The following FBXO21 variants were observed in gnomAD, a reference collection of about 807,000 sequenced individuals.
The protein encoded by FBXO21 is F-box protein 21.
FBXO21 carries 32 observed loss-of-function variants against 76.6 expected under a neutral mutation model. That is an observed-to-expected ratio of 0.42 (90% CI 0.32 to 0.56). FBXO21 has a LOEUF of 0.56. Ranked by LOEUF, FBXO21 falls within the 20% of genes least tolerant of loss-of-function variation. The pLI, the probability that FBXO21 is intolerant of heterozygous loss-of-function variation, is 0.16. For synonymous variants in FBXO21, 328 were observed against 311.5 expected, an observed-to-expected ratio of 1.05 and a Z score of -0.56; for missense variants, 586 against 797.3, an observed-to-expected ratio of 0.73 and a Z score of 3.19.
At chr12:117,189,472 G>A in intron 1 of FBXO21, 110 bp from the exon 2 acceptor site, 1 of 1,166,010 alleles carries the variant, frequency 8.6e-7, no homozygotes, top group Non-Finnish European at 1.2e-6. Context: ...GTGGTAAGAG[G>A]GACCCCGGCG....
At chr12:117,178,665 C>G (rs1413717775) in intron 3 of FBXO21, among the ~76,000 whole-genome samples, 1 of 124,276 alleles carries the variant, frequency 8.0e-6, no homozygotes, top group Non-Finnish European at 1.8e-5. Context: ...CACCTTAGTG[C>G]CCTGTTCTTC....
chr12:117,174,904 C>T, intron 4 of FBXO21, 107 bp from the exon 5 acceptor site: 1 of 1,124,070 alleles, frequency 8.9e-7, no homozygotes, highest in Non-Finnish European at 1.3e-6. Flanking sequence ...CACCATCCCA[C>T]TGGACAAGCT....
intron 4 of FBXO21, among the ~76,000 whole-genome samples, chr12:117,176,246 T>C (rs1458807749): frequency 6.6e-6 from 1 of 152,058 alleles, no homozygotes; most frequent in African/African-American, 2.4e-5. Flanking sequence ...AGCTCTGAGG[T>C]GAGTAAAATC....
chr12:117,174,850 T>C (rs1276866532), intron 4 of FBXO21, 53 bp from the exon 5 acceptor site: 2 of 1,581,750 alleles, frequency 1.3e-6, no homozygotes, highest in Admixed American at 1.7e-5. Context: ...CTTTTCTTAT[T>C]AGTTTGCAAT....
At chr12:117,153,039 T>C (rs965514536) in intron 11 of FBXO21, among the ~76,000 whole-genome samples, 14 of 152,038 alleles carry the variant, frequency 9.2e-5, no homozygotes, top group Admixed American at 2.0e-4. Context: ...TGGTAAAGCA[T>C]TCTGCACTGC....
intron 11 of FBXO21, among the ~76,000 whole-genome samples, chr12:117,147,630 G>A (rs993222212): frequency 2.0e-5 from 3 of 149,632 alleles, no homozygotes; most frequent in Admixed American, 1.3e-4. Context: ...AGATAATACA[G>A]GCAAGGTATT....
chr12:117,176,760 G>A lies in FBXO21; in HGVS notation c.592+760C>T, dbSNP rs530955968. On this transcript the variant is annotated intron_variant, in intron 4 of 11. Coordinates refer to ENST00000622495, the MANE Select transcript of FBXO21 (RefSeq NM_015002.3). ...AGCATAGGTGACATAGCAAGACCCC[G>A]TCTCTAAAAATAAATACATTTTTTT... Among the ~76,000 whole-genome samples the A allele has an allele frequency of 2.1e-4, 32 of 151,936 alleles. No homozygotes were observed. In the South Asian group the frequency reaches 6.4e-3, roughly 31 times the overall value.
At chr12:117,180,185 A>G (rs1235730244) in intron 3 of FBXO21, among the ~76,000 whole-genome samples, 1 of 152,220 alleles carries the variant, frequency 6.6e-6, no homozygotes, top group Non-Finnish European at 1.5e-5. Context: ...TGCATTGGAC[A>G]TACAATCAGT....
At chr12:117,167,138 G>GT in intron 7 of FBXO21, 61 bp from the exon 8 acceptor site, 1 of 1,286,096 alleles carries the variant, frequency 7.8e-7, no homozygotes. Context: ...AGTCTCCACA[G>GT]TAAGTAGCTC....
chr12:117,149,869 C>T (rs537763017), intron 11 of FBXO21, among the ~76,000 whole-genome samples: 1 of 152,270 alleles, frequency 6.6e-6, no homozygotes, highest in South Asian at 2.1e-4. Flanking sequence ...GCAACAGGAC[C>T]CAACAGCTAC....
intron 9 of FBXO21, among the ~76,000 whole-genome samples, chr12:117,161,750 G>A (rs1171509496): frequency 6.6e-6 from 1 of 152,144 alleles, no homozygotes; most frequent in Non-Finnish European, 1.5e-5. Context: ...GACACAAGAA[G>A]AGGGGAACTG....
At chr12:117,147,280 T>G (rs1593054324) in intron 11 of FBXO21, among the ~76,000 whole-genome samples, 1 of 75,954 alleles carries the variant, frequency 1.3e-5, no homozygotes, top group Non-Finnish European at 2.4e-5. Flanking sequence ...AAAATAAGAC[T>G]GAAAAAATGG....
chr12:117,163,842 G>C (rs1457749075), intron 9 of FBXO21, among the ~76,000 whole-genome samples: 2 of 152,070 alleles, frequency 1.3e-5, no homozygotes, highest in Non-Finnish European at 2.9e-5. Flanking sequence ...TACTCGGTAG[G>C]CTAAGGCAGG....
At chr12:117,146,747 T>C (rs987423231) in intron 11 of FBXO21, among the ~76,000 whole-genome samples, 5 of 152,130 alleles carry the variant, frequency 3.3e-5, no homozygotes, top group Non-Finnish European at 5.9e-5. Flanking sequence ...AGACCACACT[T>C]TCCACCCGAG....
intron 11 of FBXO21, among the ~76,000 whole-genome samples, chr12:117,150,871 C>CTGCGTGTGTGTGTGTGTG (rs1955829976): frequency 7.8e-6 from 1 of 127,630 alleles, no homozygotes; most frequent in South Asian, 2.7e-4. Context: ...TGGCCATGGA[C>CTGCGTGTGTGTGTGTGTG]TGTGTGTGTG....
intron 3 of FBXO21, among the ~76,000 whole-genome samples, chr12:117,184,710 C>T (rs917466701): frequency 3.9e-5 from 6 of 152,198 alleles, no homozygotes; most frequent in Admixed American, 6.5e-5. Context: ...CACGCCATTG[C>T]ACTCCAGCCT....
intron 3 of FBXO21, among the ~76,000 whole-genome samples, chr12:117,179,744 C>G (rs1555242539): frequency 6.6e-6 from 1 of 152,182 alleles, no homozygotes; most frequent in Non-Finnish European, 1.5e-5. Flanking sequence ...TCTGTTCATT[C>G]ATTTGAGGTT....
intron 11 of FBXO21, among the ~76,000 whole-genome samples, chr12:117,149,897 A>G (rs1303694589): frequency 6.6e-6 from 1 of 152,110 alleles, no homozygotes; most frequent in African/African-American, 2.4e-5. Context: ...AATTCTGAAC[A>G]TGGGCCCAGA....
intron 9 of FBXO21, among the ~76,000 whole-genome samples, chr12:117,161,155 G>A (rs1330889828): frequency 1.3e-5 from 2 of 152,088 alleles, no homozygotes; most frequent in East Asian, 1.9e-4. Flanking sequence ...TGACCTGGCC[G>A]CACACAGGAA....
Sources: gnomAD v4.1 joint callset for allele counts (sites outside exome capture counted in the v4.1 genomes callset) on GRCh38, gnomAD v4.1.1 for gene constraint, MANE v1.5 for transcripts, NCBI Gene and HGNC (gene_info 2026-07-23, HGNC 2026-07-21) for gene names.